EPB41L3: variants seen among roughly 807,000 people sequenced by gnomAD.
EPB41L3 encodes the protein band 4.1-like protein 3.
EPB41L3 carries 57 observed loss-of-function variants against 127.1 expected under a neutral mutation model. That is an observed-to-expected ratio of 0.45 (90% CI 0.36 to 0.56). The LOEUF is 0.56. EPB41L3 is among the 20% of genes least tolerant of loss of function. The probability of loss-of-function intolerance (pLI) is 0.00; values close to 1 mark genes in which losing one functional copy is unlikely to be tolerated. For missense variants in EPB41L3, 1,273 were observed against 1,372.2 expected (o/e 0.93, Z 1.14); for synonymous variants, 572 against 549.5 (o/e 1.04, Z -0.57).
intron 3 of EPB41L3, chr18:5,577,349 C>A: frequency 2.2e-6 from 1 of 454,096 alleles, no homozygotes; most frequent in Non-Finnish European, 4.4e-6. Flanking sequence ...CTAAGAGAGA[C>A]TTTGAGCACA....
At chr18:5,555,023 G>A (rs974380665) in intron 3 of EPB41L3, among the ~76,000 whole-genome samples, 7 of 152,210 alleles carry the variant, frequency 4.6e-5, no homozygotes, top group African/African-American at 1.7e-4. Context: ...TTGCTCCCAT[G>A]ACATGGCTCA....
intron 5 of EPB41L3, among the ~76,000 whole-genome samples, chr18:5,441,774 T>C (rs953874878): frequency 1.3e-5 from 2 of 152,234 alleles, no homozygotes; most frequent in Non-Finnish European, 2.9e-5. Flanking sequence ...TCGAATTCCA[T>C]TTTTAAAGAA....
At chr18:5,554,986 C>T (rs922092622) in intron 3 of EPB41L3, among the ~76,000 whole-genome samples, 4 of 152,214 alleles carry the variant, frequency 2.6e-5, no homozygotes, top group Non-Finnish European at 5.9e-5. Context: ...ATCCACCCTT[C>T]GTCCTCACAA....
intron 5 of EPB41L3, among the ~76,000 whole-genome samples, chr18:5,439,150 T>G (rs1018731410): frequency 2.2e-4 from 34 of 152,216 alleles, no homozygotes; most frequent in African/African-American, 7.9e-4. Context: ...CTGCTTGTAT[T>G]TCGAATGGTT....
intron 1 of EPB41L3, among the ~76,000 whole-genome samples, chr18:5,500,343 G>A (rs2091630450): frequency 6.6e-6 from 1 of 152,182 alleles, no homozygotes; most frequent in Non-Finnish European, 1.5e-5. Context: ...ATCTGACTCT[G>A]CATCTGTGAG....
chr18:5,541,606 A>G (rs1174982036), intron 1 of EPB41L3, among the ~76,000 whole-genome samples: 1 of 152,224 alleles, frequency 6.6e-6, no homozygotes, highest in Non-Finnish European at 1.5e-5. Context: ...TTTTTAAAAA[A>G]CAATTATAAA....
intron 19 of EPB41L3, 110 bp downstream of exon 19, chr18:5,396,091 G>A: frequency 2.2e-6 from 3 of 1,334,202 alleles, no homozygotes; most frequent in Non-Finnish European, 3.2e-6. Flanking sequence ...TCTGGCTGCT[G>A]GATCCTCTAA....
At position 5,428,521 on chromosome 18, in the gene EPB41L3, G is replaced by T; in HGVS notation, c.913-56C>A. ...AGTATCTAACTTATTTCCATTTTCT[G>T]CTGGGTAAAGTATTTAAGCATCCAC... On this transcript the variant is annotated intron_variant, in intron 8 of 22. Coordinates refer to ENST00000341928, the MANE Select transcript of EPB41L3 (RefSeq NM_012307.5). The T allele has an allele frequency of 4.4e-6, 7 of 1,597,954 alleles. No homozygotes were observed. The South Asian group carries it at 6.7e-5, about 15-fold the overall frequency.
chr18:5,456,454 CT>C (rs1305714892), intron 3 of EPB41L3, among the ~76,000 whole-genome samples: 7 of 151,986 alleles, frequency 4.6e-5, no homozygotes, highest in African/African-American at 1.7e-4. Flanking sequence ...TATGTAAGAC[CT>C]GTAATGAAAT....
intron 3 of EPB41L3, among the ~76,000 whole-genome samples, chr18:5,587,486 A>G (rs1314630246): frequency 1.3e-5 from 2 of 152,140 alleles, no homozygotes; most frequent in Non-Finnish European, 2.9e-5. Flanking sequence ...TATGTATAGG[A>G]AAAAGAGTAT....
intron 20 of EPB41L3, 130 bp downstream of exon 20, chr18:5,395,479 C>T (rs73375704): frequency 0.025 from 19,728 of 800,034 alleles, 339 homozygotes; most frequent in African/African-American, 0.059. Flanking sequence ...GCTCCCCTTG[C>T]AGCTATCCCG....
chr18:5,511,706 A>G (rs1384271734), intron 1 of EPB41L3, among the ~76,000 whole-genome samples: 1 of 150,726 alleles, frequency 6.6e-6, no homozygotes, highest in Non-Finnish European at 1.5e-5. Flanking sequence ...CAGAGAGGTG[A>G]TCCCCAGTGC....
intron 1 of EPB41L3, among the ~76,000 whole-genome samples, chr18:5,525,478 CTTT>C (rs2093185272): frequency 6.6e-6 from 1 of 152,198 alleles, no homozygotes; most frequent in African/African-American, 2.4e-5. Context: ...ACTATGCACA[CTTT>C]ACAGGGGATG....
At position 5,453,390 on chromosome 18, in the gene EPB41L3, G is replaced by A. The variant is rs376959097; in HGVS notation, c.382-8146C>T. ...CTAAGCAGCAGTCCCTGCTGCTCAG[G>A]AAGGAATGGGGTTCCTGCATCAGAA... On this transcript the variant is annotated intron_variant, in intron 3 of 22. Coordinates refer to ENST00000341928, the MANE Select transcript of EPB41L3 (RefSeq NM_012307.5). Among the ~76,000 whole-genome samples the A allele has an allele frequency of 2.6e-4, 40 of 152,282 alleles. 1 individual carries two copies. The South Asian group carries it at 8.3e-3, about 32-fold the overall frequency.
chr18:5,624,218 T>C (rs1204803052), intron 1 of EPB41L3, among the ~76,000 whole-genome samples: 1 of 152,164 alleles, frequency 6.6e-6, no homozygotes, highest in East Asian at 1.9e-4. Flanking sequence ...CCCAGGCTGG[T>C]CTTTGGCCTC....
intron 15 of EPB41L3, 79 bp downstream of exon 15, chr18:5,407,622 A>G: frequency 6.8e-7 from 1 of 1,463,244 alleles, no homozygotes; most frequent in Non-Finnish European, 9.5e-7. Context: ...GAAAGATCTG[A>G]ACGCTGTAGA....
chr18:5,519,569 C>T (rs1282625547), intron 1 of EPB41L3, among the ~76,000 whole-genome samples: 5 of 152,128 alleles, frequency 3.3e-5, no homozygotes, highest in Non-Finnish European at 7.4e-5. Flanking sequence ...GATGCAAATC[C>T]ATTGGCTGTG....
chr18:5,406,529 T>C (rs1302513308), intron 16 of EPB41L3, among the ~76,000 whole-genome samples: 1 of 152,198 alleles, frequency 6.6e-6, no homozygotes, highest in Non-Finnish European at 1.5e-5. Context: ...AATCAGCTGA[T>C]TTTTCACGAT....
At chr18:5,595,763 C>A (rs937166618) in intron 3 of EPB41L3, among the ~76,000 whole-genome samples, 2 of 152,114 alleles carry the variant, frequency 1.3e-5, no homozygotes, top group African/African-American at 4.8e-5. Context: ...AATTCCTGGA[C>A]ATGTGCTTAT....
Sources: allele counts gnomAD v4.1 joint callset (sites outside exome capture counted in the v4.1 genomes callset), GRCh38; gene constraint gnomAD v4.1.1; transcripts MANE v1.5; gene names NCBI Gene and HGNC (gene_info 2026-07-23, HGNC 2026-07-21).